PAK5: variants seen among roughly 807,000 people sequenced by gnomAD.
PAK5 encodes the protein serine/threonine-protein kinase PAK 5.
A neutral mutation model predicts 65.9 loss-of-function variants in PAK5; 16 were observed. The observed-to-expected ratio is 0.24, with a 90% CI of 0.16 to 0.37. The LOEUF is 0.37. Among genes scored for constraint, PAK5 ranks in the 10% least tolerant of loss-of-function variants. The pLI, the probability that PAK5 is intolerant of heterozygous loss-of-function variation, is 1.00. For synonymous variants in PAK5, 371 were observed against 354.9 expected (o/e 1.05, Z -0.51); for missense variants, 785 against 903.9 (o/e 0.87, Z 1.69).
intron 1 of PAK5, among the ~76,000 whole-genome samples, chr20:9,803,652 C>T (rs1225539404): frequency 3.3e-5 from 5 of 152,116 alleles, no homozygotes; most frequent in Non-Finnish European, 5.9e-5. Flanking sequence ...TTTAGGCAAA[C>T]ATGATGCAAT....
intron 5 of PAK5, among the ~76,000 whole-genome samples, chr20:9,564,593 G>A (rs933322234): frequency 2.0e-5 from 3 of 152,046 alleles, no homozygotes; most frequent in Non-Finnish European, 4.4e-5. Context: ...TATTGGTGAG[G>A]GTCTAGATTG....
intron 3 of PAK5, among the ~76,000 whole-genome samples, chr20:9,612,823 C>A (rs1290680530): frequency 6.6e-6 from 1 of 152,200 alleles, no homozygotes; most frequent in Non-Finnish European, 1.5e-5. Flanking sequence ...ATTACCCTGT[C>A]ACTTTTTCCC....
intron 2 of PAK5, among the ~76,000 whole-genome samples, chr20:9,671,255 G>T (rs145985608): frequency 0.015 from 2,322 of 152,212 alleles, 21 homozygotes; most frequent in Non-Finnish European, 0.024. Context: ...TTAGCAATGT[G>T]GGCTCTTTTT....
At position 9,773,855 on chromosome 20, in the gene PAK5, T is replaced by C. The variant is rs191225684; in HGVS notation, c.-161-62420A>G. ...TTGAGGTGAGTCTAAGGTAAAGTAC[T>C]GGTCAGCAGCAGAGTTACGATGTGT... On this transcript the variant is annotated intron_variant, in intron 1 of 9. Transcript: ENST00000353224. Among the ~76,000 whole-genome samples the C allele has an allele frequency of 2.5e-3, 388 of 152,342 alleles. 8 individuals are homozygous for C. Among genetic ancestry groups the C allele is most frequent in the Admixed American group, 0.023 (359 of 15,306 alleles).
chr20:9,793,036 A>G (rs758624077), intron 1 of PAK5, among the ~76,000 whole-genome samples: 37 of 152,180 alleles, frequency 2.4e-4, no homozygotes, highest in Admixed American at 2.6e-4. Context: ...AATAACTGAT[A>G]GCGACTCATC....
intron 3 of PAK5, among the ~76,000 whole-genome samples, chr20:9,616,042 A>G (rs888920082): frequency 4.6e-5 from 7 of 152,212 alleles, no homozygotes; most frequent in African/African-American, 1.7e-4. Flanking sequence ...CAAGAGAATC[A>G]GGAGCCAGTC....
At chr20:9,626,078 C>G (rs1406817152) in intron 3 of PAK5, among the ~76,000 whole-genome samples, 1 of 151,988 alleles carries the variant, frequency 6.6e-6, no homozygotes, top group Non-Finnish European at 1.5e-5. Context: ...AAAGACTCGA[C>G]CTTTACATAA....
At chr20:9,718,574 C>G (rs2048177770) in intron 1 of PAK5, among the ~76,000 whole-genome samples, 2 of 152,038 alleles carry the variant, frequency 1.3e-5, no homozygotes, top group South Asian at 4.1e-4. Flanking sequence ...CAATGGGTTG[C>G]AAAATCATGA....
intron 1 of PAK5, among the ~76,000 whole-genome samples, chr20:9,738,081 C>T (rs1353572890): frequency 6.6e-6 from 1 of 152,040 alleles, no homozygotes; most frequent in Non-Finnish European, 1.5e-5. Flanking sequence ...GTGGAGGTTG[C>T]AGTGAGCCGA....
intron 1 of PAK5, among the ~76,000 whole-genome samples, chr20:9,737,626 A>G (rs2048404087): frequency 6.6e-6 from 1 of 152,224 alleles, no homozygotes; most frequent in Non-Finnish European, 1.5e-5. Context: ...AATAATTAAA[A>G]AAAAGCAAGC....
chr20:9,831,606 C>T (rs1438892718), intron 1 of PAK5, among the ~76,000 whole-genome samples: 1 of 152,162 alleles, frequency 6.6e-6, no homozygotes, highest in Admixed American at 6.5e-5. Context: ...TTCATGGGCT[C>T]AGACATTCCT....
chr20:9,693,326 C>T (rs1209638821), intron 2 of PAK5, among the ~76,000 whole-genome samples: 1 of 152,044 alleles, frequency 6.6e-6, no homozygotes, highest in Non-Finnish European at 1.5e-5. Flanking sequence ...TTTTTATTCT[C>T]CAAATGCAAA....
At chr20:9,795,141 T>G (rs995097579) in intron 1 of PAK5, among the ~76,000 whole-genome samples, 1 of 152,018 alleles carries the variant, frequency 6.6e-6, no homozygotes, top group Non-Finnish European at 1.5e-5. Flanking sequence ...AGGAACACAT[T>G]AGTAGGCCAT....
chr20:9,809,922 G>A (rs886955308), intron 1 of PAK5, among the ~76,000 whole-genome samples: 1 of 152,100 alleles, frequency 6.6e-6, no homozygotes, highest in Non-Finnish European at 1.5e-5. Context: ...CTGGCCATAG[G>A]ATTCTATTTA....
chr20:9,743,452 A>G (rs4813896), intron 1 of PAK5, among the ~76,000 whole-genome samples: 104,777 of 151,778 alleles, frequency 0.69, 36,271 homozygotes, highest in East Asian at 0.84. Context: ...ACAACCCTGA[A>G]AAGCCCTAAA....
At chr20:9,722,656 G>A (rs1369534396) in intron 1 of PAK5, among the ~76,000 whole-genome samples, 3 of 152,004 alleles carry the variant, frequency 2.0e-5, no homozygotes, top group African/African-American at 7.3e-5. Flanking sequence ...GGCAAGGTAA[G>A]TAGCCAGTGA....
chr20:9,638,895 C>T (rs1169973476), intron 3 of PAK5, among the ~76,000 whole-genome samples: 3 of 152,204 alleles, frequency 2.0e-5, no homozygotes, highest in East Asian at 3.8e-4. Context: ...TTTTCCACAA[C>T]ATCAGGGGCG....
At chr20:9,677,001 T>G (rs371700028) in intron 2 of PAK5, among the ~76,000 whole-genome samples, 1 of 151,944 alleles carries the variant, frequency 6.6e-6, no homozygotes, top group African/African-American at 2.4e-5. Context: ...AAAATAAATA[T>G]GTTTTCCTGA....
rs144638015 is a variant in PAK5 at position 9,549,367 on chromosome 20, T to C, written c.1744-4873A>G. Among the ~76,000 whole-genome samples the C allele has an allele frequency of 3.7e-4, 57 of 152,206 alleles. 2 individuals carry two copies. The highest frequency in any genetic ancestry group is 1.2e-3 in the African/African-American group (51 of 41,516). Reference sequence around the variant, plus strand: ...AAAATATTCAATAACCAGATTAACGTAGGCCAATTGGAACCTAGATAGAAA... The same window carrying C: ...AAAATATTCAATAACCAGATTAACGCAGGCCAATTGGAACCTAGATAGAAA... On this transcript the variant is annotated intron_variant, in intron 7 of 9. Coordinates refer to ENST00000353224, the MANE Select transcript of PAK5 (RefSeq NM_177990.4).
Sources: allele counts gnomAD v4.1 joint callset (sites outside exome capture counted in the v4.1 genomes callset), GRCh38; gene constraint gnomAD v4.1.1; transcripts MANE v1.5; gene names NCBI Gene and HGNC (gene_info 2026-07-23, HGNC 2026-07-21).